The following DENND4C variants were observed in gnomAD, a reference collection of about 807,000 sequenced individuals.
The protein encoded by DENND4C is DENN domain-containing protein 4C.
In DENND4C, 108 loss-of-function variants were observed where a neutral mutation model predicts 203.0. The observed-to-expected ratio is 0.53, with a 90% confidence interval of 0.46 to 0.62. The LOEUF (loss-of-function observed/expected upper bound fraction) is 0.62, where lower values mean the gene tolerates loss of function less well. DENND4C is among the 20% of genes least tolerant of loss of function. DENND4C has a pLI of 0.00. For missense variants in DENND4C, 2,481 were observed against 2,301.2 expected (o/e 1.08, Z -1.60); for synonymous variants, 871 against 792.4 (o/e 1.10, Z -1.67).
rs1825882296 is a variant in DENND4C, at chr9:19,358,738, G to T, written c.5160+578G>T. 6.6e-6 allele frequency among the ~76,000 whole-genome samples: 1 copy of T among 151,778 alleles called. No individual in the cohort carries two copies. Among genetic ancestry groups the T allele is most frequent in the Admixed American group, 6.6e-5 (1 of 15,250 alleles). ...TGAATCTGTAGACTCTTTTCCTCTT[G>T]CAATTTATTTGTTGATAAAACTGGT... On this transcript the variant is annotated intron_variant, in intron 28 of 32. Coordinates refer to ENST00000434457, the MANE Select transcript of DENND4C (RefSeq NM_001330640.2). This position sits in a 1 kb window ranked among gnomAD's most constrained non-coding sequence, Gnocchi z 4.8.
intron 30 of DENND4C, among the ~76,000 whole-genome samples, chr9:19,368,078 T>C (rs181827909): frequency 6.6e-6 from 1 of 152,316 alleles, no homozygotes; most frequent in African/African-American, 2.4e-5. Context: ...CTAAAAACCA[T>C]TGAATTGTGT....
intron 1 of DENND4C, among the ~76,000 whole-genome samples, chr9:19,252,912 T>G (rs1269063059): frequency 6.6e-6 from 1 of 152,180 alleles, no homozygotes; most frequent in African/African-American, 2.4e-5. Flanking sequence ...ATTTTTTGTA[T>G]TTTTAGTAGA....
At chr9:19,275,566 G>A (rs1038095669) in intron 1 of DENND4C, among the ~76,000 whole-genome samples, 85 of 152,102 alleles carry the variant, frequency 5.6e-4, no homozygotes, top group Middle Eastern at 3.4e-3. Context: ...TGCCCCCTGG[G>A]TTCAAGCGAT....
chr9:19,262,221 G>A (rs1829556137), intron 1 of DENND4C, among the ~76,000 whole-genome samples: 1 of 150,900 alleles, frequency 6.6e-6, no homozygotes, highest in African/African-American at 2.4e-5. Context: ...AGAGTAGTTG[G>A]CACTACAGGC....
At chr9:19,332,345 ATTTTTTAT>A (rs1819409004) in intron 17 of DENND4C, among the ~76,000 whole-genome samples, 161 bp downstream of exon 17, 3 of 151,742 alleles carry the variant, frequency 2.0e-5, no homozygotes, top group Admixed American at 1.3e-4. Flanking sequence ...TTACTTGTTT[ATTTTTTAT>A]TTTAATTATT....
At chr9:19,352,269 C>A in intron 25 of DENND4C, 87 bp downstream of exon 25, 1 of 1,265,928 alleles carries the variant, frequency 7.9e-7, no homozygotes, top group East Asian at 2.4e-5. Flanking sequence ...CTAAGATACC[C>A]TTGTGGACAG....
intron 1 of DENND4C, among the ~76,000 whole-genome samples, chr9:19,264,924 G>A (rs930717913): frequency 7.2e-5 from 11 of 151,932 alleles, no homozygotes; most frequent in African/African-American, 2.4e-4. Flanking sequence ...AGGCACTTTT[G>A]CTATAAACTT....
intron 1 of DENND4C, among the ~76,000 whole-genome samples, chr9:19,268,730 T>G (rs1831023247): frequency 7.7e-6 from 1 of 130,388 alleles, no homozygotes; most frequent in African/African-American, 2.7e-5. Context: ...AAAGTTTTGT[T>G]TTTTTTTCAG....
At chr9:19,259,505 C>CTTTTTTTTTTTTTT (rs1021585159) in intron 1 of DENND4C, among the ~76,000 whole-genome samples, 1 of 131,500 alleles carries the variant, frequency 7.6e-6, no homozygotes, top group African/African-American at 2.8e-5. Flanking sequence ...TTTCTTTTTT[C>CTTTTTTTTTTTTTT]TTTTTTTTTT....
chr9:19,320,221 CAG>C (rs1842651578), intron 12 of DENND4C, among the ~76,000 whole-genome samples: 1 of 149,416 alleles, frequency 6.7e-6, no homozygotes, highest in Non-Finnish European at 1.5e-5. Context: ...TTTTTAAAGA[CAG>C]AGTCTTTGCT....
chr9:19,285,998 A>C (rs146349652), intron 2 of DENND4C, among the ~76,000 whole-genome samples: 4 of 152,162 alleles, frequency 2.6e-5, no homozygotes, highest in Admixed American at 1.3e-4. Flanking sequence ...GAGTCCTCCA[A>C]CTTTCTTCTT....
intron 30 of DENND4C, among the ~76,000 whole-genome samples, chr9:19,366,172 G>T (rs1776535017): frequency 6.6e-6 from 1 of 152,156 alleles, no homozygotes; most frequent in South Asian, 2.1e-4. Context: ...AAAACTTACT[G>T]CAAAGCTACA....
rs917891677 is a variant in DENND4C at position 19,341,068 on chromosome 9, A to G, written c.2958A>G (p.Glu986=). The G allele has an allele frequency of 2.5e-5, 41 of 1,612,570 alleles. No individual in the cohort carries two copies. Among genetic ancestry groups the G allele is most frequent in the Non-Finnish European group, 3.5e-5 (41 of 1,179,062 alleles). The part of the protein sequence containing the change: ...KDDAEIHVPE[E]QAARELITKT... ...ATGCAGAAATTCATGTGCCTGAAGA[A>G]CAGGCAGCAAGAGAATTGATAACTA... Residue 986 remains glutamate (E), a synonymous_variant, in exon 21 of 33, where the codon GAA becomes GAG. Transcript: ENST00000434457.
intron 16 of DENND4C, among the ~76,000 whole-genome samples, chr9:19,331,292 T>A (rs961497676): frequency 2.6e-4 from 39 of 150,208 alleles, no homozygotes; most frequent in Admixed American, 2.1e-3. Flanking sequence ...AACTTCCCAC[T>A]CCCTGGTTCA....
At position 19,305,340 on chromosome 9, in the gene DENND4C, C is replaced by A. The variant is rs1391517895; in HGVS notation, c.1312-12C>A. On this transcript the variant is annotated splice_polypyrimidine_tract_variant and intron_variant, in intron 9 of 32. Transcript: ENST00000434457. ...TTAAAATTTGGTTAATTTTTTAAAA[C>A]TTTTTCCCCAGATGATCTTTCCATT... 1 of 1,570,502 alleles carries A rather than the reference C, an allele frequency of 6.4e-7. No homozygotes were observed. Among genetic ancestry groups the A allele is most frequent in the Admixed American group, 1.9e-5 (1 of 52,692 alleles).
chr9:19,332,661 C>T (rs1294558270), intron 17 of DENND4C, among the ~76,000 whole-genome samples: 1 of 150,448 alleles, frequency 6.6e-6, no homozygotes, highest in East Asian at 2.0e-4. Flanking sequence ...CACATCCGGC[C>T]ATGTTTGTTT....
intron 1 of DENND4C, among the ~76,000 whole-genome samples, chr9:19,241,335 A>G (rs970773016): frequency 1.3e-5 from 2 of 152,106 alleles, no homozygotes; most frequent in Non-Finnish European, 2.9e-5. Context: ...GTACAGAAAT[A>G]TTATTCTTTA....
chr9:19,305,571 C>T, intron 10 of DENND4C, 44 bp downstream of exon 10: 4 of 1,548,250 alleles, frequency 2.6e-6, no homozygotes, highest in South Asian at 2.4e-5. Context: ...ATATTTTTCA[C>T]TATGTAGAGT....
At chr9:19,336,225 A>G (rs770606312) in intron 18 of DENND4C, 45 bp from the exon 19 acceptor site, 1 of 1,572,336 alleles carries the variant, frequency 6.4e-7, no homozygotes, top group Non-Finnish European at 8.6e-7. Flanking sequence ...TTTTAAAATC[A>G]GATATTGCTA....
Sources: allele counts gnomAD v4.1 joint callset (sites outside exome capture counted in the v4.1 genomes callset), GRCh38; gene constraint gnomAD v4.1.1; non-coding constraint Gnocchi (gnomAD v3.1); transcripts MANE v1.5; gene names NCBI Gene and HGNC (gene_info 2026-07-23, HGNC 2026-07-21).